The following PPFIA2 variants were observed in gnomAD, a reference collection of about 807,000 sequenced individuals.
The protein encoded by PPFIA2 is liprin-alpha-2.
A neutral mutation model predicts 175.5 loss-of-function variants in PPFIA2; 46 were observed. The observed-to-expected ratio is 0.26, with a 90% CI of 0.21 to 0.34. The LOEUF (loss-of-function observed/expected upper bound fraction) is 0.34, where lower values mean the gene tolerates loss of function less well. Among genes scored for constraint, PPFIA2 ranks in the 10% least tolerant of loss-of-function variants. PPFIA2 has a pLI of 1.00. For missense variants in PPFIA2, 1,179 were observed against 1,506.1 expected, an observed-to-expected ratio of 0.78 and a Z score of 3.60; for synonymous variants, 568 against 511.4, an observed-to-expected ratio of 1.11 and a Z score of -1.49.
chr12:81,511,958 C>A (rs370603783), intron 4 of PPFIA2, among the ~76,000 whole-genome samples: 5 of 151,686 alleles, frequency 3.3e-5, no homozygotes, highest in African/African-American at 9.7e-5. Context: ...AATAGTCTAA[C>A]AACTTTTTAG....
chr12:81,636,636 A>G (rs1326023705), intron 4 of PPFIA2, among the ~76,000 whole-genome samples: 1 of 151,028 alleles, frequency 6.6e-6, no homozygotes, highest in East Asian at 1.9e-4. Context: ...CCAAATCCTT[A>G]GAATGAAATT....
At chr12:81,693,468 C>T (rs1195116422) in intron 3 of PPFIA2, among the ~76,000 whole-genome samples, 1 of 152,118 alleles carries the variant, frequency 6.6e-6, no homozygotes, top group African/African-American at 2.4e-5. Context: ...TGACTGAAAG[C>T]TCTCTGAGGC....
At position 81,520,945 on chromosome 12, in the gene PPFIA2, A is replaced by AT. The variant is rs200788853; in HGVS notation, c.304-63080dup. On this transcript the variant is annotated intron_variant, in intron 4 of 32. Coordinates refer to ENST00000549396, the MANE Select transcript of PPFIA2 (RefSeq NM_003625.5). ...CTGCAATGGGAAATCATTATAGCAG[A>AT]TTTTTTTAGGGGGGGTGAGGAAGGG... Among the ~76,000 whole-genome samples, 1,149 of 152,224 alleles carry AT rather than the reference A, an allele frequency of 7.5e-3. 13 individuals are homozygous for AT. The highest frequency in any genetic ancestry group is 0.025 in the African/African-American group (1,050 of 41,530).
At chr12:81,398,649 T>G (rs1234567910) in intron 8 of PPFIA2, among the ~76,000 whole-genome samples, 1 of 152,070 alleles carries the variant, frequency 6.6e-6, no homozygotes, top group Non-Finnish European at 1.5e-5. Context: ...ATCTCATTCT[T>G]AAAGACCCGT....
In PPFIA2 at chr12:81,620,091, C is replaced by T. The variant is rs1185423211; in HGVS notation, c.303+56700G>A. Among the ~76,000 whole-genome samples the T allele has an allele frequency of 1.9e-4, 25 of 129,320 alleles. No individual in the cohort carries two copies. In the Admixed American group the frequency reaches 2.3e-3, roughly 12 times the overall value. 84.8% of individuals were successfully genotyped at this position (129,320 alleles called of 152,430 possible). ...AGGAGAACGGCGTGAACCTGGGAGGCGGAGCTTGCAGTGAGCCGAGATCGC... is the reference window on the plus strand; with the variant it reads ...AGGAGAACGGCGTGAACCTGGGAGGTGGAGCTTGCAGTGAGCCGAGATCGC... On this transcript the variant is annotated intron_variant, in intron 4 of 32. Coordinates refer to ENST00000549396, the MANE Select transcript of PPFIA2 (RefSeq NM_003625.5).
chr12:81,427,537 T>C (rs1343791139), intron 7 of PPFIA2, among the ~76,000 whole-genome samples: 1 of 152,048 alleles, frequency 6.6e-6, no homozygotes, highest in African/African-American at 2.4e-5. Flanking sequence ...ATAAAATGCA[T>C]ATAGTGCTAC....
chr12:81,648,669 C>G (rs948332956), intron 4 of PPFIA2, among the ~76,000 whole-genome samples: 3 of 150,996 alleles, frequency 2.0e-5, no homozygotes, highest in Non-Finnish European at 4.4e-5. Context: ...AAAATTTACT[C>G]AGAACGTGAA....
In PPFIA2 at chr12:81,652,372, C is replaced by T. The variant is rs191417379; in HGVS notation, c.303+24419G>A. Among the ~76,000 whole-genome samples, 46 of 151,260 alleles carry T rather than the reference C, an allele frequency of 3.0e-4. No homozygotes were observed. The Admixed American group carries it at 3.0e-3, about 10-fold the overall frequency. On this transcript the variant is annotated intron_variant, in intron 4 of 32. Coordinates refer to ENST00000549396, the MANE Select transcript of PPFIA2 (RefSeq NM_003625.5). ...GCGATTTGCTTCAGAATTTCATTTC[C>T]ATCTCATCTTACATAGTAAAAAAAA...
At chr12:81,334,543 TA>T (rs1344105542) in intron 21 of PPFIA2, among the ~76,000 whole-genome samples, 2 of 151,588 alleles carry the variant, frequency 1.3e-5, no homozygotes, top group African/African-American at 4.8e-5. Context: ...GCCCTCTTGG[TA>T]ATGCCTATAT....
chr12:81,742,356 C>A (rs747797872), intron 3 of PPFIA2, among the ~76,000 whole-genome samples: 3 of 152,056 alleles, frequency 2.0e-5, no homozygotes, highest in African/African-American at 7.2e-5. Context: ...TCATCTGATT[C>A]GGGTAAGAGA....
intron 4 of PPFIA2, chr12:81,465,365 C>CA (rs1400770563): frequency 1.3e-5 from 2 of 152,022 alleles, no homozygotes; most frequent in African/African-American, 2.4e-5. Context: ...TCACCGACCA[C>CA]AAAAAAGCAT....
intron 20 of PPFIA2, 93 bp from the exon 21 acceptor site, chr12:81,339,427 G>T: frequency 2.0e-6 from 2 of 993,654 alleles, no homozygotes; most frequent in Non-Finnish European, 2.6e-6. Flanking sequence ...GGAACAAGCA[G>T]ACTTGTAATG....
At chr12:81,651,362 G>C (rs2153532805) in intron 4 of PPFIA2, among the ~76,000 whole-genome samples, 1 of 152,270 alleles carries the variant, frequency 6.6e-6, no homozygotes, top group East Asian at 1.9e-4. Context: ...GTAAAACAGA[G>C]ATTTATTCTT....
intron 4 of PPFIA2, among the ~76,000 whole-genome samples, chr12:81,611,369 G>A (rs1223225966): frequency 6.6e-6 from 1 of 152,164 alleles, no homozygotes; most frequent in African/African-American, 2.4e-5. Flanking sequence ...CTCCTGCAAG[G>A]GGGGTTCCTC....
intron 23 of PPFIA2, chr12:81,296,786 A>T (rs2046551379): frequency 6.6e-6 from 1 of 151,184 alleles, no homozygotes; most frequent in Non-Finnish European, 1.5e-5. Flanking sequence ...CATGTAACCC[A>T]TCTAAACCTC....
chr12:81,390,849 T>C (rs2039986744), intron 8 of PPFIA2, among the ~76,000 whole-genome samples: 1 of 151,740 alleles, frequency 6.6e-6, no homozygotes, highest in Non-Finnish European at 1.5e-5. Flanking sequence ...TTCTAAAAAA[T>C]CAATCCCCAA....
intron 9 of PPFIA2, among the ~76,000 whole-genome samples, chr12:81,380,203 A>G (rs941904612): frequency 2.6e-5 from 4 of 152,088 alleles, no homozygotes; most frequent in South Asian, 4.1e-4. Context: ...TTTCTCTACA[A>G]AAAACACAAA....
rs530031775 is a variant in PPFIA2 at position 81,636,079 on chromosome 12, AAC to A, written c.303+40710_303+40711del. Among the ~76,000 whole-genome samples, 12 of 152,294 alleles carry A rather than the reference AAC, an allele frequency of 7.9e-5. No homozygotes were observed. The East Asian group carries it at 2.1e-3, about 27-fold the overall frequency. ...CTTTTTTTCTGTTTCTGCCAAAAGT[AAC>A]ACTCACTGTTAAATGTGAAAGAATA... is the stretch of plus-strand genomic sequence containing the variant. On this transcript the variant is annotated intron_variant, in intron 4 of 32. Transcript: ENST00000549396.
intron 4 of PPFIA2, among the ~76,000 whole-genome samples, chr12:81,637,321 C>G (rs1174886688): frequency 7.3e-6 from 1 of 137,546 alleles, no homozygotes; most frequent in Non-Finnish European, 1.5e-5. Context: ...TCAGGCTGGT[C>G]CCGAACTCCC....
Sources: gnomAD v4.1 joint callset for allele counts (sites outside exome capture counted in the v4.1 genomes callset) on GRCh38, gnomAD v4.1.1 for gene constraint, MANE v1.5 for transcripts, NCBI Gene and HGNC (gene_info 2026-07-23, HGNC 2026-07-21) for gene names.